The following LARP1B variants were observed in gnomAD, a reference collection of about 807,000 sequenced individuals.
The protein encoded by LARP1B is La ribonucleoprotein 1B.
In LARP1B, 76 loss-of-function variants were observed where a neutral mutation model predicts 114.2. That is an observed-to-expected ratio of 0.67 (90% confidence interval 0.55 to 0.81). LARP1B has a LOEUF of 0.81. LARP1B is among the 30% of genes least tolerant of loss of function. The pLI is 0.00. For synonymous variants in LARP1B, 345 were observed against 348.0 expected, an observed-to-expected ratio of 0.99 and a Z score of 0.10; for missense variants, 1,014 against 1,075.8, an observed-to-expected ratio of 0.94 and a Z score of 0.80.
chr4:128,153,881 A>C (rs930827580), intron 11 of LARP1B, among the ~76,000 whole-genome samples: 1 of 152,118 alleles, frequency 6.6e-6, no homozygotes, highest in African/African-American at 2.4e-5. Flanking sequence ...CCCCAAACCT[A>C]TATTTTTTAT....
chr4:128,183,791 T>C (rs1046916290), intron 15 of LARP1B, among the ~76,000 whole-genome samples: 32 of 152,218 alleles, frequency 2.1e-4, no homozygotes, highest in Non-Finnish European at 7.4e-5. Flanking sequence ...CTACATGCCA[T>C]TAAGAACATT....
At chr4:128,221,173 A>G (rs1759996856) in intron 7 of LARP1B, among the ~76,000 whole-genome samples, 1 of 152,176 alleles carries the variant, frequency 6.6e-6, no homozygotes, top group African/African-American at 2.4e-5. Context: ...AATATATGCT[A>G]AATCTTTTGG....
At chr4:128,150,928 A>G (rs186464044) in intron 11 of LARP1B, among the ~76,000 whole-genome samples, 32 of 152,316 alleles carry the variant, frequency 2.1e-4, no homozygotes, top group Middle Eastern at 3.4e-3. Context: ...AGTCAGACCA[A>G]TATGAGTTGC....
At chr4:128,195,863 CAAAG>C (rs1032652084) in intron 15 of LARP1B, among the ~76,000 whole-genome samples, 27 of 151,972 alleles carry the variant, frequency 1.8e-4, no homozygotes, top group Admixed American at 3.3e-4. Context: ...GCTAGACTGA[CAAAG>C]AAAGAGAGAA....
intron 1 of LARP1B, among the ~76,000 whole-genome samples, chr4:128,072,338 A>G (rs928652032): frequency 6.6e-6 from 1 of 152,136 alleles, no homozygotes; most frequent in African/African-American, 2.4e-5. Flanking sequence ...ATAATGCTCA[A>G]AAAAGATGTA....
At chr4:128,179,254 A>T (rs1247909968) in intron 14 of LARP1B, 152 bp from the exon 15 acceptor site, 1 of 454,928 alleles carries the variant, frequency 2.2e-6, no homozygotes, top group African/African-American at 2.0e-5. Context: ...CTTGTGTGTG[A>T]GATTTTTGAG....
intron 8 of LARP1B, among the ~76,000 whole-genome samples, chr4:128,101,342 G>A (rs1780253420): frequency 6.6e-6 from 1 of 151,364 alleles, no homozygotes; most frequent in South Asian, 2.1e-4. Flanking sequence ...ACATGGTGAC[G>A]TGCCTGTAAT....
intron 11 of LARP1B, among the ~76,000 whole-genome samples, chr4:128,127,101 G>T (rs112716170): frequency 2.6e-5 from 4 of 152,242 alleles, no homozygotes; most frequent in African/African-American, 9.6e-5. Flanking sequence ...TTTGCCAAGG[G>T]AAAATAACTA....
chr4:128,140,565 G>C (rs1020003428), intron 11 of LARP1B, among the ~76,000 whole-genome samples: 5 of 152,128 alleles, frequency 3.3e-5, no homozygotes, highest in Non-Finnish European at 7.4e-5. Flanking sequence ...GTGGGGGCTG[G>C]GGGGAGGTGT....
intron 10 of LARP1B, among the ~76,000 whole-genome samples, chr4:128,120,803 A>ATT (rs56253884): frequency 1.3e-4 from 17 of 128,990 alleles, no homozygotes; most frequent in Admixed American, 1.6e-4. Flanking sequence ...GGGGTAGACA[A>ATT]TTTTTTTTTT....
intron 15 of LARP1B, among the ~76,000 whole-genome samples, chr4:128,196,842 A>T (rs999028382): frequency 1.3e-5 from 2 of 152,248 alleles, no homozygotes; most frequent in Non-Finnish European, 2.9e-5. Flanking sequence ...AACACATACA[A>T]TGGAATATAA....
chr4:128,200,505 A>C lies in LARP1B; in HGVS notation c.2165-16A>C. The C allele has an allele frequency of 7.2e-7, 1 of 1,387,104 alleles. No individual in the cohort carries two copies. 85.9% of individuals were successfully genotyped at this position (1,387,104 alleles called of 1,614,324 possible). A position where few individuals can be genotyped will look rare whatever the true frequency, so the allele number is the denominator to read the frequency against. On this transcript the variant is annotated splice_polypyrimidine_tract_variant and intron_variant, in intron 16 of 19. Coordinates refer to ENST00000326639, the MANE Select transcript of LARP1B (RefSeq NM_018078.4). ...AGTATGTTTAATAAAATAATATTTT[A>C]TTTAACTTTTTTCAGAGAGAAAACG...
rs572971894 is a variant in LARP1B at position 128,101,045 on chromosome 4, C to G, written c.813+2715C>G. 6.6e-4 allele frequency among the ~76,000 whole-genome samples: 100 copies of G among 150,954 alleles called. 5 individuals carry two copies. In the South Asian group the frequency reaches 0.021, roughly 31 times the overall value. ...TGTTGGTCAGGCTGGTCTCGAACTT[C>G]TATCTCAGGTGATCCACCTGCCTCG... is the stretch of plus-strand genomic sequence containing the variant. On this transcript the variant is annotated intron_variant, in intron 8 of 19. Coordinates refer to ENST00000326639, the MANE Select transcript of LARP1B (RefSeq NM_018078.4).
chr4:128,084,415 G>A (rs1772415836), intron 5 of LARP1B, among the ~76,000 whole-genome samples: 1 of 152,266 alleles, frequency 6.6e-6, no homozygotes, highest in Non-Finnish European at 1.5e-5. Context: ...TCGCGGTTAG[G>A]AGCTGGAGAC....
chr4:128,153,290 GCCAT>G (rs1160713833), intron 11 of LARP1B, among the ~76,000 whole-genome samples: 27 of 134,612 alleles, frequency 2.0e-4, no homozygotes, highest in African/African-American at 7.4e-4. Context: ...GCCTTGGTTT[GCCAT>G]TTATTTATTT....
chr4:128,181,035 A>G (rs1471406314), intron 15 of LARP1B, among the ~76,000 whole-genome samples: 1 of 152,128 alleles, frequency 6.6e-6, no homozygotes, highest in Non-Finnish European at 1.5e-5. Flanking sequence ...GGTTTAATGT[A>G]GGCAGCATAT....
intron 10 of LARP1B, among the ~76,000 whole-genome samples, chr4:128,121,034 C>T (rs904535744): frequency 6.6e-6 from 1 of 151,822 alleles, no homozygotes; most frequent in Non-Finnish European, 1.5e-5. Flanking sequence ...TGGTCTTGAA[C>T]TCCTGACCTT....
intron 11 of LARP1B, among the ~76,000 whole-genome samples, chr4:128,151,608 AT>A (rs899052732): frequency 4.7e-4 from 68 of 144,284 alleles, no homozygotes; most frequent in East Asian, 6.0e-4. Context: ...TCAGGTTAAG[AT>A]TTTTTTTTTT....
intron 4 of LARP1B, among the ~76,000 whole-genome samples, chr4:128,079,499 A>G (rs778182823): frequency 3.9e-5 from 6 of 152,212 alleles, no homozygotes; most frequent in African/African-American, 7.2e-5. Flanking sequence ...CAGTGACAAC[A>G]AGACAAACAA....
Sources: allele counts gnomAD v4.1 joint callset (sites outside exome capture counted in the v4.1 genomes callset), GRCh38; gene constraint gnomAD v4.1.1; transcripts MANE v1.5; gene names NCBI Gene and HGNC (gene_info 2026-07-23, HGNC 2026-07-21).